The following MYEF2 variants were observed in gnomAD, a reference collection of about 807,000 sequenced individuals.
The protein encoded by MYEF2 is myelin gene expression factor 2.
A neutral mutation model predicts 75.2 loss-of-function variants in MYEF2; 37 were observed. The ratio of observed to expected loss-of-function variants is 0.49; its 90% CI spans 0.38 to 0.65. The LOEUF (loss-of-function observed/expected upper bound fraction) is 0.65. MYEF2 is among the 30% of genes least tolerant of loss of function. The pLI is 0.00. For synonymous variants in MYEF2, 195 were observed against 241.6 expected, an observed-to-expected ratio of 0.81 and a Z score of 1.79; for missense variants, 634 against 771.4, an observed-to-expected ratio of 0.82 and a Z score of 2.11.
Position 48,158,939 on chromosome 15 carries a change from A to T in MYEF2, c.718-17T>A, listed in dbSNP as rs1351346974. The T allele has an allele frequency of 1.2e-6, 2 of 1,607,110 alleles. No homozygotes were observed. On this transcript the variant is annotated splice_polypyrimidine_tract_variant and intron_variant, in intron 6 of 16. Transcript: ENST00000324324. ...GAAGTCAAGCTTAATATAAAATTGTATAAAGTTACATACCTAATAAATCCA... is the reference window on the plus strand; with the variant it reads ...GAAGTCAAGCTTAATATAAAATTGTTTAAAGTTACATACCTAATAAATCCA...
At chr15:48,143,695 T>G (rs1045597967) in intron 16 of MYEF2, among the ~76,000 whole-genome samples, 1 of 151,976 alleles carries the variant, frequency 6.6e-6, no homozygotes, top group Non-Finnish European at 1.5e-5. Flanking sequence ...TAGCACAGAT[T>G]TAAATCAATA....
chr15:48,152,212 A>G (rs1270154371), intron 11 of MYEF2, 22 bp downstream of exon 11: 1 of 1,602,146 alleles, frequency 6.2e-7, no homozygotes, highest in East Asian at 2.2e-5. Context: ...GTACATACAA[A>G]AAAACAAATC....
At chr15:48,177,953 T>A in intron 1 of MYEF2, 124 bp downstream of exon 1, 1 of 1,290,192 alleles carries the variant, frequency 7.8e-7, no homozygotes, top group Non-Finnish European at 1.0e-6. Context: ...AGGAAGCCGA[T>A]GGCCCGGGGG....
rs769236601 is a variant in MYEF2, at chr15:48,136,819, GAAC to G, written c.*6086_*6088del. ...TCTTGCCAAAGCTATGGAGAGAAGT[GAAC>G]AACAGCCACTGATGGGCTGGGAAGA... is the stretch of plus-strand genomic sequence containing the variant. On this transcript the variant is annotated 3_prime_UTR_variant, in exon 17 of 17. Transcript: ENST00000324324. 9.9e-6 allele frequency: 16 copies of G among 1,613,684 alleles called. No homozygotes were observed. The African/African-American group carries it at 1.5e-4, about 15-fold the overall frequency.
intron 2 of MYEF2, among the ~76,000 whole-genome samples, chr15:48,168,086 T>C (rs1304365498): frequency 1.3e-5 from 2 of 151,868 alleles, no homozygotes; most frequent in South Asian, 2.1e-4. Flanking sequence ...AAACCAACCA[T>C]GTATATAAGA....
chr15:48,157,637 T>C (rs896889032), intron 9 of MYEF2: 27 of 509,708 alleles, frequency 5.3e-5, no homozygotes, highest in African/African-American at 1.2e-4. Flanking sequence ...TTCCCAACTA[T>C]GTAAAAAATA....
At chr15:48,153,979 T>G in intron 9 of MYEF2, 86 bp from the exon 10 acceptor site, 1 of 983,448 alleles carries the variant, frequency 1.0e-6, no homozygotes, top group Non-Finnish European at 1.5e-6. Context: ...GCTATATACC[T>G]GTAGTAGTAT....
intron 1 of MYEF2, among the ~76,000 whole-genome samples, chr15:48,176,355 T>G (rs2040518884): frequency 6.6e-6 from 1 of 152,042 alleles, no homozygotes; most frequent in African/African-American, 2.4e-5. Context: ...TCGATTCAAC[T>G]TCTGGGAAAA....
chr15:48,134,815 A>G lies in MYEF2; in HGVS notation c.*8093T>C. On this transcript the variant is annotated 3_prime_UTR_variant, in exon 17 of 17. Coordinates refer to ENST00000324324, the MANE Select transcript of MYEF2 (RefSeq NM_016132.5). ...TAACTACAAATATATAAACAATTTT[A>G]GTATTATACTAAGGATTGTACTTGA... 2 of 1,167,206 alleles carry G rather than the reference A, an allele frequency of 1.7e-6. No homozygotes were observed. The highest frequency in any genetic ancestry group is 3.1e-5 in the African/African-American group (2 of 64,140). The allele number at this position is 1,167,206 out of a possible 1,614,324, so 72.3% of individuals were successfully genotyped here. A position where few individuals can be genotyped will look rare whatever the true frequency, so the allele number is the denominator to read the frequency against.
Position 48,134,908 on chromosome 15 carries a change from C to G in MYEF2, c.*8000G>C, listed in dbSNP as rs957604752. The G allele has an allele frequency of 3.7e-6, 6 of 1,611,994 alleles. No homozygotes were observed. The highest frequency in any genetic ancestry group is 5.1e-6 in the Non-Finnish European group (6 of 1,178,742). ...GGTCTCAACACTATCATGTTGGCCC[C>G]TATTCAGAGACTGTGCAGCGTACAC... On this transcript the variant is annotated 3_prime_UTR_variant, in exon 17 of 17. Transcript: ENST00000324324.
Position 48,158,022 on chromosome 15 carries a change from G to A in MYEF2, c.956C>T (p.Ser319Leu), listed in dbSNP as rs764805646. 1.1e-5 allele frequency: 18 copies of A among 1,613,012 alleles called. No individual in the cohort carries two copies. The East Asian group carries it at 3.6e-4, about 32-fold the overall frequency. Residue 319 changes from serine (S) to leucine (L), a missense_variant, in exon 9 of 17, where the codon TCA becomes TTA. Ser to Leu is a moderately radical substitution (Grantham distance 145). Transcript: ENST00000324324. Reference protein sequence around the residue: ...DKSVPHEEYRSHDGKTPQLPR... With the variant: ...DKSVPHEEYRLHDGKTPQLPR... Reference sequence around the variant, plus strand: ...TAATTGTGGTGTTTTACCATCATGTGAACGGTACTCTTCATGAGGAACAGA... The same window carrying A: ...TAATTGTGGTGTTTTACCATCATGTAAACGGTACTCTTCATGAGGAACAGA...
chr15:48,171,293 C>T (rs1173702588), intron 1 of MYEF2, among the ~76,000 whole-genome samples: 1 of 152,120 alleles, frequency 6.6e-6, no homozygotes, highest in Non-Finnish European at 1.5e-5. Context: ...GATTAATACC[C>T]CTTCCCCTGC....
chr15:48,158,400 G>T (rs1030832500), intron 7 of MYEF2, among the ~76,000 whole-genome samples, 176 bp from the exon 8 acceptor site: 8 of 151,832 alleles, frequency 5.3e-5, no homozygotes, highest in Middle Eastern at 3.2e-3. Context: ...TTTGCTTTAC[G>T]GTTTTATTTC....
In MYEF2 at chr15:48,158,218, A is replaced by C; in HGVS notation, c.878T>G (p.Phe293Cys). The C allele has an allele frequency of 6.2e-7, 1 of 1,612,956 alleles. No homozygotes were observed. Among genetic ancestry groups the C allele is most frequent in the Non-Finnish European group, 8.5e-7 (1 of 1,179,290 alleles). Reference protein sequence around the residue: ...AIEAVQAISMFNGQFLFDRPM... With the variant: ...AIEAVQAISMCNGQFLFDRPM... Reference sequence around the variant, plus strand: ...TCTATCAAATAAAAACTGCCCATTGAACATAGCTGTTGGTTCAGTCAAGGA... The same window carrying C: ...TCTATCAAATAAAAACTGCCCATTGCACATAGCTGTTGGTTCAGTCAAGGA... The change falls in exon 8 of 17, where the codon TTC becomes TGC. Residue 293 changes from phenylalanine to cysteine, a missense_variant. Transcript: ENST00000324324.
In MYEF2 at chr15:48,153,875, C is replaced by T; in HGVS notation, c.1004G>A (p.Gly335Glu). Reference protein sequence around the residue: ...PQLPRGLGGIGMGLGPGGQPI... With the variant: ...PQLPRGLGGIEMGLGPGGQPI... ...CTGTCCACCCGGACCAAGTCCCATC[C>T]CAATGCCTCCAAGACCACCTAAAAC... is the stretch of plus-strand genomic sequence containing the variant. The change falls in exon 10 of 17, where the codon GGG (glycine) becomes GAG (glutamate). Residue 335 changes from glycine (G) to glutamate (E), a missense_variant. Transcript: ENST00000324324. 6.2e-7 allele frequency: 1 copy of T among 1,612,988 alleles called. No individual in the cohort carries two copies. The highest frequency in any genetic ancestry group is 8.5e-7 in the Non-Finnish European group (1 of 1,179,362).
In MYEF2 at chr15:48,141,883, C is replaced by A. The variant is rs2039102547; in HGVS notation, c.*1025G>T. On this transcript the variant is annotated 3_prime_UTR_variant, in exon 17 of 17. Transcript: ENST00000324324. ...CTAACCCAAGAAAAATTTAAAAATACAAATTCAGTAAGACTTTTGCTCTAA... is the reference window on the plus strand; with the variant it reads ...CTAACCCAAGAAAAATTTAAAAATAAAAATTCAGTAAGACTTTTGCTCTAA... 2 of 517,522 alleles carry A rather than the reference C, an allele frequency of 3.9e-6. No individual in the cohort carries two copies. The highest frequency in any genetic ancestry group is 3.3e-6 in the Non-Finnish European group (1 of 304,302). 32.1% of individuals were successfully genotyped at this position (517,522 alleles called of 1,614,324 possible).
At chr15:48,173,438 G>T (rs1362412413) in intron 1 of MYEF2, among the ~76,000 whole-genome samples, 2 of 152,142 alleles carry the variant, frequency 1.3e-5, no homozygotes, top group African/African-American at 2.4e-5. Context: ...GCAGGAAAAA[G>T]AGAAGATGCC....
rs746016107 is a variant in MYEF2 at position 48,149,054 on chromosome 15, T to C, written c.1617A>G (p.Leu539=). The C allele has an allele frequency of 6.2e-7, 1 of 1,613,030 alleles. No individual in the cohort carries two copies. Among genetic ancestry groups the C allele is most frequent in the Admixed American group, 1.7e-5 (1 of 59,944 alleles). ...NLPFDLTWQK[L]KEKFSQCGHV... is the part of the protein sequence containing the mutation. ...TACCACACTGACTGAATTTCTCTTTTAGTTTCTGCCAAGTCAAGTCAAAAG... is the reference window on the plus strand; with the variant it reads ...TACCACACTGACTGAATTTCTCTTTCAGTTTCTGCCAAGTCAAGTCAAAAG... Residue 539 remains leucine (L), a synonymous_variant, in exon 16 of 17, where the codon CTA becomes CTG. Coordinates refer to ENST00000324324, the MANE Select transcript of MYEF2 (RefSeq NM_016132.5). The surrounding 1 kb of genome is among the most constrained non-coding windows in gnomAD (Gnocchi z 4.0).
intron 1 of MYEF2, among the ~76,000 whole-genome samples, chr15:48,172,689 A>G (rs751611253): frequency 8.5e-5 from 13 of 152,050 alleles, no homozygotes; most frequent in Non-Finnish European, 1.6e-4. Flanking sequence ...AGGAGACATT[A>G]TAACAGATAC....
Sources: gnomAD v4.1 joint callset for allele counts (sites outside exome capture counted in the v4.1 genomes callset) on GRCh38, gnomAD v4.1.1 for gene constraint, Gnocchi (gnomAD v3.1) non-coding constraint, MANE v1.5 for transcripts, NCBI Gene and HGNC (gene_info 2026-07-23, HGNC 2026-07-21) for gene names.